Variants in CSMD1 observed in about 807,000 individuals in gnomAD.
CSMD1 encodes the protein CUB and Sushi multiple domains 1.
Under a neutral mutation model 417.5 loss-of-function variants are expected in CSMD1, and 213 were observed. The observed-to-expected ratio is 0.51, with a 90% confidence interval of 0.46 to 0.57. The LOEUF (loss-of-function observed/expected upper bound fraction) is 0.57. Among genes scored for constraint, CSMD1 ranks in the 20% least tolerant of loss-of-function variants. The pLI is 0.00. For missense variants in CSMD1, 6,923 were observed against 4,529.7 expected, an observed-to-expected ratio of 1.53 and a Z score of -15.17; for synonymous variants, 2,862 against 1,736.8, an observed-to-expected ratio of 1.65 and a Z score of -16.11.
chr8:4,134,849 T>G (rs1306410198), intron 3 of CSMD1, among the ~76,000 whole-genome samples: 1 of 152,202 alleles, frequency 6.6e-6, no homozygotes, highest in Non-Finnish European at 1.5e-5. Context: ...AATCGTTTGA[T>G]AGCTTCCAAT....
At chr8:4,443,058 T>C (rs541550539) in intron 2 of CSMD1, among the ~76,000 whole-genome samples, 3 of 152,326 alleles carry the variant, frequency 2.0e-5, no homozygotes, top group East Asian at 3.9e-4. Context: ...TATACAATTA[T>C]TTGAGAAGAG....
At chr8:3,438,735 T>A (rs556099584) in intron 12 of CSMD1, among the ~76,000 whole-genome samples, 27 of 152,278 alleles carry the variant, frequency 1.8e-4, no homozygotes, top group Admixed American at 1.7e-3. Flanking sequence ...ATTATTATGT[T>A]ATGTGAACAG....
rs768251242 is a variant in CSMD1, at chr8:3,019,148, C to A, written c.7856-498G>T. Among the ~76,000 whole-genome samples, 7 of 152,286 alleles carry A rather than the reference C, an allele frequency of 4.6e-5. No homozygotes were observed. In the South Asian group the frequency reaches 1.2e-3, roughly 27 times the overall value. On this transcript the variant is annotated intron_variant, in intron 51 of 69. Transcript: ENST00000635120. Reference sequence around the variant, plus strand: ...GGCCAGACTGATCTCAAACTCCTGACCTCAAGTGATCCTCCCACCCCAGCC... The same window carrying A: ...GGCCAGACTGATCTCAAACTCCTGAACTCAAGTGATCCTCCCACCCCAGCC...
chr8:2,994,303 G>C (rs191177516), intron 54 of CSMD1, among the ~76,000 whole-genome samples: 1 of 152,228 alleles, frequency 6.6e-6, no homozygotes, highest in Non-Finnish European at 1.5e-5. Context: ...CATTCTACGA[G>C]ACATACAATT....
chr8:4,146,890 T>C (rs1186394419), intron 3 of CSMD1, among the ~76,000 whole-genome samples: 1 of 144,410 alleles, frequency 6.9e-6, no homozygotes, highest in Non-Finnish European at 1.5e-5. Flanking sequence ...CGTGATTACA[T>C]GTGTGAGCCA....
chr8:4,248,944 A>G (rs1353533748), intron 3 of CSMD1, among the ~76,000 whole-genome samples: 1 of 152,230 alleles, frequency 6.6e-6, no homozygotes, highest in Admixed American at 6.5e-5. Flanking sequence ...GTAGATGCAT[A>G]ATACCATAAT....
At chr8:2,951,715 T>C (rs1046716553) in intron 65 of CSMD1, among the ~76,000 whole-genome samples, 5 of 152,152 alleles carry the variant, frequency 3.3e-5, no homozygotes, top group Non-Finnish European at 5.9e-5. Flanking sequence ...AACTGATATA[T>C]ATAATACGAG....
At chr8:4,181,539 T>G (rs1372971282) in intron 3 of CSMD1, among the ~76,000 whole-genome samples, 2 of 152,114 alleles carry the variant, frequency 1.3e-5, no homozygotes, top group Admixed American at 6.6e-5. Context: ...TTAAGAAAGT[T>G]TATGAATTTG....
At chr8:3,634,068 G>T (rs193172366) in intron 7 of CSMD1, among the ~76,000 whole-genome samples, 66 of 152,106 alleles carry the variant, frequency 4.3e-4, no homozygotes, top group Non-Finnish European at 8.1e-4. Flanking sequence ...ATCTGGGTAG[G>T]GGGTGGTGGG....
chr8:4,455,929 C>CAAAAAAAAAAAAAAAAAAA lies in CSMD1; in HGVS notation c.303-35883_303-35865dup. 1.6e-3 allele frequency among the ~76,000 whole-genome samples: 19 copies of CAAAAAAAAAAAAAAAAAAA among 11,650 alleles called. 1 individual carries two copies. Among genetic ancestry groups the CAAAAAAAAAAAAAAAAAAA allele is most frequent in the Non-Finnish European group, 2.7e-3 (13 of 4,816 alleles). 7.6% of individuals were successfully genotyped at this position (11,650 alleles called of 152,430 possible). On this transcript the variant is annotated intron_variant, in intron 2 of 69. Coordinates refer to ENST00000635120, the MANE Select transcript of CSMD1 (RefSeq NM_033225.6). ...GGGTGACAAAGTGAGACTCCAACTC[C>CAAAAAAAAAAAAAAAAAAA]AAAAAAAAAAAAAAAAAAAAAAAAA...
intron 1 of CSMD1, among the ~76,000 whole-genome samples, chr8:4,929,945 G>A (rs1363084706): frequency 6.6e-6 from 1 of 152,192 alleles, no homozygotes; most frequent in Non-Finnish European, 1.5e-5. Context: ...TAGTTCCTGA[G>A]TGAAGCTACA....
intron 5 of CSMD1, among the ~76,000 whole-genome samples, chr8:3,754,306 G>A (rs1797532480): frequency 6.6e-6 from 1 of 152,172 alleles, no homozygotes; most frequent in Non-Finnish European, 1.5e-5. Flanking sequence ...GTGAATGCAG[G>A]AGGAGGTATT....
intron 5 of CSMD1, among the ~76,000 whole-genome samples, chr8:3,789,548 T>G (rs1799619058): frequency 6.6e-6 from 1 of 151,478 alleles, no homozygotes; most frequent in African/African-American, 2.4e-5. Context: ...ATACTCCAAA[T>G]TAAAGTAATA....
intron 3 of CSMD1, among the ~76,000 whole-genome samples, chr8:4,385,216 C>A (rs1803368912): frequency 6.6e-6 from 1 of 152,194 alleles, no homozygotes; most frequent in African/African-American, 2.4e-5. Flanking sequence ...GCATGAGCCA[C>A]TGCACCCGGC....
chr8:3,682,146 C>G (rs1799697698), intron 7 of CSMD1, among the ~76,000 whole-genome samples: 1 of 152,144 alleles, frequency 6.6e-6, no homozygotes, highest in African/African-American at 2.4e-5. Context: ...GACTTCATGT[C>G]TAAAACACCA....
At chr8:3,828,384 G>A (rs1418283137) in intron 5 of CSMD1, among the ~76,000 whole-genome samples, 1 of 152,104 alleles carries the variant, frequency 6.6e-6, no homozygotes, top group Non-Finnish European at 1.5e-5. Flanking sequence ...TTAGTTTTGA[G>A]GAAACTGCGT....
chr8:4,548,442 T>C (rs951969174), intron 2 of CSMD1, among the ~76,000 whole-genome samples: 1 of 152,132 alleles, frequency 6.6e-6, no homozygotes, highest in African/African-American at 2.4e-5. Flanking sequence ...CTGACTTTCA[T>C]ATAAATATGA....
rs143309951 is a variant in CSMD1, at chr8:3,271,646, T to C, written c.4153+12498A>G. Among the ~76,000 whole-genome samples the C allele has an allele frequency of 1.7e-3, 265 of 152,350 alleles. 2 individuals are homozygous for C. Among genetic ancestry groups the C allele is most frequent in the African/African-American group, 5.9e-3 (246 of 41,582 alleles). ...CCAACTGGTGTGAGATGGTATCTCA[T>C]TGTGGTTTTCAATTTGCATTTCTCT... On this transcript the variant is annotated intron_variant, in intron 26 of 69. Transcript: ENST00000635120.
At chr8:3,645,518 G>A (rs1797531410) in intron 7 of CSMD1, among the ~76,000 whole-genome samples, 1 of 152,182 alleles carries the variant, frequency 6.6e-6, no homozygotes, top group South Asian at 2.1e-4. Context: ...GGAAGGGGAG[G>A]ATGTGTGGTC....
Sources: gnomAD v4.1 joint callset for allele counts (sites outside exome capture counted in the v4.1 genomes callset) on GRCh38, gnomAD v4.1.1 for gene constraint, MANE v1.5 for transcripts, NCBI Gene and HGNC (gene_info 2026-07-23, HGNC 2026-07-21) for gene names.